UBE2K: variants seen among roughly 807,000 people sequenced by gnomAD.
The protein encoded by UBE2K is ubiquitin conjugating enzyme E2 K, also known as ubiquitin-conjugating enzyme E2 K.
UBE2K carries 6 observed loss-of-function variants against 30.0 expected under a neutral mutation model. The ratio of observed to expected loss-of-function variants is 0.20; its 90% CI spans 0.11 to 0.39. The LOEUF is 0.39. Ranked by LOEUF, UBE2K falls within the 10% of genes least tolerant of loss-of-function variation. The pLI is 1.00. For missense variants in UBE2K, 61 were observed against 241.6 expected, an observed-to-expected ratio of 0.25 and a Z score of 4.96; for synonymous variants, 86 against 83.7, an observed-to-expected ratio of 1.03 and a Z score of -0.15.
At chr4:39,752,920 C>T (rs540885681) in intron 3 of UBE2K, among the ~76,000 whole-genome samples, 2 of 152,038 alleles carry the variant, frequency 1.3e-5, no homozygotes, top group Admixed American at 6.6e-5. Flanking sequence ...TTTGGGAGGC[C>T]GAGAGGGGAG....
At chr4:39,759,271 T>C (rs575283877) in intron 4 of UBE2K, among the ~76,000 whole-genome samples, 1 of 152,188 alleles carries the variant, frequency 6.6e-6, no homozygotes, top group East Asian at 1.9e-4. Flanking sequence ...TTAGTATATT[T>C]GTTTATTATT....
chr4:39,775,379 G>T (rs908262689), intron 5 of UBE2K, among the ~76,000 whole-genome samples: 1 of 152,120 alleles, frequency 6.6e-6, no homozygotes, highest in Non-Finnish European at 1.5e-5. Flanking sequence ...TTTTCATTTC[G>T]CTTTCTAGCT....
chr4:39,734,279 C>T (rs1365824229), intron 1 of UBE2K, among the ~76,000 whole-genome samples: 3 of 151,652 alleles, frequency 2.0e-5, no homozygotes, highest in East Asian at 1.9e-4. Flanking sequence ...CTAATTTTTC[C>T]GGATTTCACC....
chr4:39,757,080 C>T (rs1426978196), intron 4 of UBE2K, among the ~76,000 whole-genome samples: 1 of 133,990 alleles, frequency 7.5e-6, no homozygotes, highest in Non-Finnish European at 1.5e-5. Flanking sequence ...GGCTGGAGTG[C>T]AGTGGCACGA....
At chr4:39,704,500 G>A (rs1380949060) in intron 1 of UBE2K, among the ~76,000 whole-genome samples, 1 of 151,760 alleles carries the variant, frequency 6.6e-6, no homozygotes, top group Non-Finnish European at 1.5e-5. Flanking sequence ...CTGTCCATTG[G>A]GCGTAGGTTT....
At chr4:39,749,627 C>T (rs1162154974) in intron 3 of UBE2K, among the ~76,000 whole-genome samples, 1 of 151,724 alleles carries the variant, frequency 6.6e-6, no homozygotes, top group Non-Finnish European at 1.5e-5. Context: ...TGCAGTGAGC[C>T]GAGATCATGC....
At chr4:39,746,477 A>G (rs1013960222) in intron 3 of UBE2K, among the ~76,000 whole-genome samples, 3 of 152,114 alleles carry the variant, frequency 2.0e-5, no homozygotes, top group Admixed American at 6.6e-5. Flanking sequence ...TCACCCTTCC[A>G]TCTTTTCCAT....
chr4:39,702,001 TC>T (rs1228775573), intron 1 of UBE2K, among the ~76,000 whole-genome samples: 1 of 152,046 alleles, frequency 6.6e-6, no homozygotes, highest in Admixed American at 6.5e-5. Flanking sequence ...CTTCAAGTGA[TC>T]CGCCTGCCTC....
rs1230143832 is a variant in UBE2K at position 39,764,421 on chromosome 4, CT to C, written c.299+8695del. Among the ~76,000 whole-genome samples, 152 of 140,326 alleles carry C rather than the reference CT, an allele frequency of 1.1e-3. 1 individual carries two copies. The highest frequency in any genetic ancestry group is 1.5e-3 in the African/African-American group (59 of 38,688). 92.1% of individuals were successfully genotyped at this position (140,326 alleles called of 152,430 possible). ...TTTGAGGGTTTTGAGAGCAAACTGC[CT>C]TTTTTTTTTTTTCTTTTCTCTTTTT... is the stretch of plus-strand genomic sequence containing the variant. On this transcript the variant is annotated intron_variant, in intron 4 of 6. Transcript: ENST00000261427.
At chr4:39,745,144 GGCATTA>G (rs1015973397) in intron 2 of UBE2K, among the ~76,000 whole-genome samples, 2 of 152,128 alleles carry the variant, frequency 1.3e-5, no homozygotes, top group African/African-American at 4.8e-5. Flanking sequence ...GGGATTACAA[GGCATTA>G]GCCATGGACC....
chr4:39,770,306 C>T (rs1712698218), intron 4 of UBE2K: 1 of 1,612,670 alleles, frequency 6.2e-7, no homozygotes, highest in Admixed American at 1.7e-5. Context: ...ACGAGTGTGA[C>T]TTGACACCAC....
At chr4:39,732,672 CT>C (rs10650873) in intron 1 of UBE2K, among the ~76,000 whole-genome samples, 1,254 of 115,068 alleles carry the variant, frequency 0.011, 20 homozygotes, top group African/African-American at 0.041. Flanking sequence ...CTTCTTCCCT[CT>C]TTTTTTTTTT....
chr4:39,769,456 A>T (rs568437884), intron 4 of UBE2K, among the ~76,000 whole-genome samples: 91 of 129,180 alleles, frequency 7.0e-4, no homozygotes, highest in Non-Finnish European at 1.1e-3. Flanking sequence ...CCCAATATCT[A>T]TCCAGGATGT....
chr4:39,731,007 A>G (rs1218251175), intron 1 of UBE2K, among the ~76,000 whole-genome samples: 1 of 151,638 alleles, frequency 6.6e-6, no homozygotes, highest in Non-Finnish European at 1.5e-5. Flanking sequence ...TATTTTCAAG[A>G]CAGAGTCTTG....
chr4:39,771,294 C>G (rs1295679005), intron 4 of UBE2K: 2 of 1,611,820 alleles, frequency 1.2e-6, no homozygotes, highest in East Asian at 2.2e-5. Context: ...CTAAGATGAC[C>G]TTGTGGCCTC....
chr4:39,771,448 T>C (rs942491033), intron 4 of UBE2K: 6 of 1,575,974 alleles, frequency 3.8e-6, no homozygotes, highest in Non-Finnish European at 5.2e-6. Context: ...GTGGCGGGGG[T>C]GGGCAACCCT....
chr4:39,698,599 G>T (rs1420662925), intron 1 of UBE2K, among the ~76,000 whole-genome samples: 1 of 152,104 alleles, frequency 6.6e-6, no homozygotes. Context: ...CGGGCGGGTG[G>T]TCTGGGGTGG....
chr4:39,712,566 C>T (rs781181376), intron 1 of UBE2K, among the ~76,000 whole-genome samples: 7 of 151,666 alleles, frequency 4.6e-5, no homozygotes, highest in Non-Finnish European at 2.9e-5. Flanking sequence ...AGATTATAGA[C>T]GCATGCCACC....
chr4:39,724,121 AT>A (rs11295454), intron 1 of UBE2K, among the ~76,000 whole-genome samples: 114,395 of 142,494 alleles, frequency 0.8, 45,997 homozygotes, highest in East Asian at 0.92. Flanking sequence ...TCCTTTTTTA[AT>A]TTTTTTTTTT....
Sources: allele counts gnomAD v4.1 joint callset (sites outside exome capture counted in the v4.1 genomes callset), GRCh38; gene constraint gnomAD v4.1.1; transcripts MANE v1.5; gene names NCBI Gene and HGNC (gene_info 2026-07-23, HGNC 2026-07-21).